Variants in B3GNT9 observed in about 807,000 individuals in gnomAD.
The protein encoded by B3GNT9 is UDP-GlcNAc:betaGal beta-1,3-N-acetylglucosaminyltransferase 9, also known as BGnT-9.
For missense variants in B3GNT9, 669 were observed against 599.2 expected (o/e 1.12, Z -1.22); for synonymous variants, 359 against 283.9 (o/e 1.26, Z -2.66).
chr16:67,149,838 T>G lies in B3GNT9; in HGVS notation c.648A>C (p.Ser216=). The change falls in exon 2 of 2, where the codon TCA becomes TCC. Residue 216 remains serine, a synonymous_variant. Transcript: ENST00000449549. ...LKEIHFLAWA[S]AFCPDVRFVF... ...CGAAGCGCACGTCGGGGCAGAAAGCTGAGGCCCAGGCTAGAAAGTGGATCT... is the reference window on the plus strand; with the variant it reads ...CGAAGCGCACGTCGGGGCAGAAAGCGGAGGCCCAGGCTAGAAAGTGGATCT... 2 of 1,613,742 alleles carry G rather than the reference T, an allele frequency of 1.2e-6. No individual in the cohort carries two copies. Among genetic ancestry groups the G allele is most frequent in the Non-Finnish European group, 1.7e-6 (2 of 1,179,730 alleles).
At position 67,149,935 on chromosome 16, in the gene B3GNT9, G is replaced by T. The variant is rs563344591; in HGVS notation, c.551C>A (p.Ala184Asp). 1.0e-5 allele frequency: 16 copies of T among 1,588,868 alleles called. No individual in the cohort carries two copies. In the East Asian group the frequency reaches 3.5e-4, roughly 35 times the overall value. Residue 184 changes from alanine to aspartate, a missense_variant, in exon 2 of 2, where the codon GCC becomes GAC. By Grantham distance (126) the Ala-to-Asp change is moderately radical (BLOSUM62 -2). Transcript: ENST00000449549. ...GATGTCCGCATACGCAAGGCTCTCGGCCCGCAGCAGGGCGCGCCAGTGGGT... is the reference window on the plus strand; with the variant it reads ...GATGTCCGCATACGCAAGGCTCTCGTCCCGCAGCAGGGCGCGCCAGTGGGT... ...ARTHWRALLR[A>D]ESLAYADILL...
chr16:67,150,629 G>T lies in B3GNT9; in HGVS notation c.-144C>A. The T allele has an allele frequency of 1.7e-6, 1 of 600,544 alleles. No individual in the cohort carries two copies. The highest frequency in any genetic ancestry group is 2.4e-6 in the Non-Finnish European group (1 of 410,838). 37.2% of individuals were successfully genotyped at this position (600,544 alleles called of 1,614,324 possible). On this transcript the variant is annotated 5_prime_UTR_variant, in exon 2 of 2. Transcript: ENST00000449549. Reference sequence around the variant, plus strand: ...GACCGACGGTTGAGCCCCTTGCGTTGTTCTCCTCCTCCCGGCCGTGTCGCA... The same window carrying T: ...GACCGACGGTTGAGCCCCTTGCGTTTTTCTCCTCCTCCCGGCCGTGTCGCA...
chr16:67,150,193 A>G lies in B3GNT9; in HGVS notation c.293T>C (p.Leu98Pro). 1 of 1,558,762 alleles carries G rather than the reference A, an allele frequency of 6.4e-7. No homozygotes were observed. Among genetic ancestry groups the G allele is most frequent in the East Asian group, 2.6e-5 (1 of 39,102 alleles). ...LRAKDQRRFP[L>P]LINQPHKCRG... ...GCACTTGTGCGGCTGGTTAATGAGCAGTGGAAACCGCCGCTGGTCCTTGGC... is the reference window on the plus strand; with the variant it reads ...GCACTTGTGCGGCTGGTTAATGAGCGGTGGAAACCGCCGCTGGTCCTTGGC... The change falls in exon 2 of 2, where the codon CTG becomes CCG. Residue 98 changes from leucine to proline, a missense_variant. Leu to Pro is a moderately conservative substitution (Grantham distance 98, BLOSUM62 -3). Transcript: ENST00000449549.
Position 67,149,322 on chromosome 16 carries a change from C to A in B3GNT9, c.1164G>T (p.Ala388=). The A allele has an allele frequency of 1.3e-6, 2 of 1,584,620 alleles. No individual in the cohort carries two copies. Among genetic ancestry groups the A allele is most frequent in the African/African-American group, 1.3e-5 (1 of 74,482 alleles). The change falls in exon 2 of 2, where the codon GCG becomes GCT. Residue 388 remains alanine, a synonymous_variant. Transcript: ENST00000449549. The part of the protein sequence containing the change: ...LLHGPHGPAC[A]HPQPVAAGPF... ...GGCCTGCAGCGACAGGCTGTGGATG[C>A]GCACAGGCTGGCCCATGCGGCCCGT... is the stretch of plus-strand genomic sequence containing the variant.
chr16:67,149,596 G>T lies in B3GNT9; in HGVS notation c.890C>A (p.Ala297Asp). 1 of 1,598,832 alleles carries T rather than the reference G, an allele frequency of 6.3e-7. No homozygotes were observed. The highest frequency in any genetic ancestry group is 8.5e-7 in the Non-Finnish European group (1 of 1,173,214). ...AGGGGFVLSG[A>D]TLHRLAGACA... ...GGCGCCAGCCAGGCGGTGCAGCGTG[G>T]CCCCGGAAAGCACAAAGCCACCGCC... Residue 297 changes from alanine (A) to aspartate (D), a missense_variant, in exon 2 of 2, where the codon GCC (alanine) becomes GAC (aspartate). By Grantham distance (126) the Ala-to-Asp change is moderately radical. Transcript: ENST00000449549.
At position 67,149,644 on chromosome 16, in the gene B3GNT9, G is replaced by A. The variant is rs1433745032; in HGVS notation, c.842C>T (p.Pro281Leu). 6.2e-7 allele frequency: 1 copy of A among 1,601,712 alleles called. No individual in the cohort carries two copies. The highest frequency in any genetic ancestry group is 8.5e-7 in the Non-Finnish European group (1 of 1,174,518). Residue 281 changes from proline (P) to leucine (L), a missense_variant, in exon 2 of 2, where the codon CCC becomes CTC. Coordinates refer to ENST00000449549, the MANE Select transcript of B3GNT9 (RefSeq NM_033309.3). ...GCCGCCCGCGTAGGCCGGATAGGCG[G>A]GCAGGCCGTACACGGCCTCGGGGAT... ...YYIPEAVYGLPAYPAYAGGGG... is the reference protein window; with the variant it reads ...YYIPEAVYGLLAYPAYAGGGG...
At chr16:67,150,783 C>G in intron 1 of B3GNT9, 82 bp downstream of exon 1, 1 of 299,214 alleles carries the variant, frequency 3.3e-6, no homozygotes, top group Admixed American at 5.1e-5. Flanking sequence ...GCCCCTCCCC[C>G]GCCCGCCTCC....
chr16:67,148,274 T>C lies in B3GNT9; in HGVS notation c.*1003A>G, dbSNP rs1045152583. On this transcript the variant is annotated 3_prime_UTR_variant, in exon 2 of 2. Coordinates refer to ENST00000449549, the MANE Select transcript of B3GNT9 (RefSeq NM_033309.3). ...TAATGATGAATGTGCAGGGGACCTGTCTCAGGCTCCTATATGGTTCCTGGG... is the reference window on the plus strand; with the variant it reads ...TAATGATGAATGTGCAGGGGACCTGCCTCAGGCTCCTATATGGTTCCTGGG... 14 of 152,770 alleles carry C rather than the reference T, an allele frequency of 9.2e-5. No homozygotes were observed. The highest frequency in any genetic ancestry group is 2.6e-4 in the African/African-American group (11 of 41,570). The allele number at this position is 152,770 out of a possible 1,614,324, so 9.5% of individuals were successfully genotyped here. A position where few individuals can be genotyped will look rare whatever the true frequency, so the allele number is the denominator to read the frequency against.
At position 67,148,187 on chromosome 16, in the gene B3GNT9, C is replaced by A. The variant is rs2030262246; in HGVS notation, c.*1090G>T. The stretch of plus-strand genomic sequence containing the variant: ...TTTGTGAGTTTTTCAAATGTGTGTA[C>A]AGATTTTTGTAAATATGACTCTTTT... On this transcript the variant is annotated 3_prime_UTR_variant, in exon 2 of 2. Transcript: ENST00000449549. 1 of 152,624 alleles carries A rather than the reference C, an allele frequency of 6.6e-6. No homozygotes were observed. The highest frequency in any genetic ancestry group is 1.5e-5 in the Non-Finnish European group (1 of 68,052). 9.5% of individuals were successfully genotyped at this position (152,624 alleles called of 1,614,324 possible). A position where few individuals can be genotyped will look rare whatever the true frequency, so the allele number is the denominator to read the frequency against.
In B3GNT9 at chr16:67,149,925, A is replaced by G. The variant is rs1350472008; in HGVS notation, c.561T>C (p.Leu187=). The stretch of plus-strand genomic sequence containing the variant: ...CCCAGAGCAGGATGTCCGCATACGC[A>G]AGGCTCTCGGCCCGCAGCAGGGCGC... The part of the protein sequence containing the change: ...HWRALLRAES[L]AYADILLWAF... Residue 187 remains leucine, a synonymous_variant, in exon 2 of 2, where the codon CTT becomes CTC. Coordinates refer to ENST00000449549, the MANE Select transcript of B3GNT9 (RefSeq NM_033309.3). 6.3e-7 allele frequency: 1 copy of G among 1,597,842 alleles called. No individual in the cohort carries two copies.
chr16:67,149,057 A>G lies in B3GNT9; in HGVS notation c.*220T>C. Reference sequence around the variant, plus strand: ...GGGACCTGTTGGACAAGAGATGGTCATCTACCACCCAGCCTTGGCTCGCTC... The same window carrying G: ...GGGACCTGTTGGACAAGAGATGGTCGTCTACCACCCAGCCTTGGCTCGCTC... On this transcript the variant is annotated 3_prime_UTR_variant, in exon 2 of 2. Coordinates refer to ENST00000449549, the MANE Select transcript of B3GNT9 (RefSeq NM_033309.3). 1 of 935,140 alleles carries G rather than the reference A, an allele frequency of 1.1e-6. No homozygotes were observed. The highest frequency in any genetic ancestry group is 1.5e-6 in the Non-Finnish European group (1 of 684,442). The allele number at this position is 935,140 out of a possible 1,614,324, so 57.9% of individuals were successfully genotyped here. A position where few individuals can be genotyped will look rare whatever the true frequency, so the allele number is the denominator to read the frequency against.
Position 67,150,156 on chromosome 16 carries a change from G to A in B3GNT9, c.330C>T (p.Gly110=), listed in dbSNP as rs1173321882. 4 of 1,537,592 alleles carry A rather than the reference G, an allele frequency of 2.6e-6. No homozygotes were observed. Among genetic ancestry groups the A allele is most frequent in the African/African-American group, 1.4e-5 (1 of 69,764 alleles). The change falls in exon 2 of 2, where the codon GGC becomes GGT. Residue 110 remains glycine, a synonymous_variant. Transcript: ENST00000449549. ...GCAGGTCCGGGCGGCCACCGGGTGC[G>A]CCGTCGCCGCGGCACTTGTGCGGCT... ...INQPHKCRGD[G]APGGRPDLLI...
In B3GNT9 at chr16:67,150,232, G is replaced by A. The variant is rs2030418313; in HGVS notation, c.254C>T (p.Ala85Val). The A allele has an allele frequency of 1.9e-6, 3 of 1,547,556 alleles. No individual in the cohort carries two copies. The African/African-American group carries it at 4.3e-5, about 22-fold the overall frequency. Reference sequence around the variant, plus strand: ...CTGGTCCTTGGCGCGCAAATAGCGGGCGAAGTCAAAGGGTCCCGTAGGCGT... The same window carrying A: ...CTGGTCCTTGGCGCGCAAATAGCGGACGAAGTCAAAGGGTCCCGTAGGCGT... ...PPTPTGPFDF[A>V]RYLRAKDQRR... Residue 85 changes from alanine to valine, a missense_variant, in exon 2 of 2, where the codon GCC becomes GTC. Transcript: ENST00000449549.
chr16:67,149,027 G>T lies in B3GNT9; in HGVS notation c.*250C>A. The T allele has an allele frequency of 6.2e-6, 4 of 641,240 alleles. No homozygotes were observed. Among genetic ancestry groups the T allele is most frequent in the African/African-American group, 1.9e-5 (1 of 53,112 alleles). 39.7% of individuals were successfully genotyped at this position (641,240 alleles called of 1,614,324 possible). ...ACTAGGAGGACCAGACATATCCACT[G>T]CTCTGGGACCTGTTGGACAAGAGAT... On this transcript the variant is annotated 3_prime_UTR_variant, in exon 2 of 2. Transcript: ENST00000449549.
Position 67,149,430 on chromosome 16 carries a change from G to A in B3GNT9, c.1056C>T (p.Thr352=). ...GCTCACGGTAAAAGCAGGGGTCGAA[G>A]GTGCTCAAATGCGGCGCGGCTGAAG... ...PQPSAAPHLS[T]FDPCFYRELV... Residue 352 remains threonine, a synonymous_variant, in exon 2 of 2, where the codon ACC becomes ACT. Transcript: ENST00000449549. 6.2e-7 allele frequency: 1 copy of A among 1,605,834 alleles called. No individual in the cohort carries two copies. The highest frequency in any genetic ancestry group is 1.1e-5 in the South Asian group (1 of 89,742).
Position 67,150,671 on chromosome 16 carries a change from C to T in B3GNT9, c.-186G>A, listed in dbSNP as rs2030448450. The T allele has an allele frequency of 2.3e-6, 1 of 439,472 alleles. No individual in the cohort carries two copies. The highest frequency in any genetic ancestry group is 3.8e-6 in the Non-Finnish European group (1 of 265,010). 27.2% of individuals were successfully genotyped at this position (439,472 alleles called of 1,614,324 possible). A position where few individuals can be genotyped will look rare whatever the true frequency, so the allele number is the denominator to read the frequency against. ...CGTGTCGCACCGCCGGGACCGGCAG[C>T]CTGAAGGGACAAGAAGTTCACCCAT... On this transcript the variant is annotated splice_region_variant and 5_prime_UTR_variant, in exon 2 of 2. Coordinates refer to ENST00000449549, the MANE Select transcript of B3GNT9 (RefSeq NM_033309.3).
At position 67,150,188 on chromosome 16, in the gene B3GNT9, T is replaced by G; in HGVS notation, c.298A>C (p.Ile100Leu). 6.4e-7 allele frequency: 1 copy of G among 1,559,974 alleles called. No homozygotes were observed. The highest frequency in any genetic ancestry group is 8.6e-7 in the Non-Finnish European group (1 of 1,156,680). ...AKDQRRFPLL[I>L]NQPHKCRGDG... ...CCGCGGCACTTGTGCGGCTGGTTAA[T>G]GAGCAGTGGAAACCGCCGCTGGTCC... The change falls in exon 2 of 2, where the codon ATT becomes CTT. Residue 100 changes from isoleucine (I) to leucine (L), a missense_variant. Coordinates refer to ENST00000449549, the MANE Select transcript of B3GNT9 (RefSeq NM_033309.3).
At chr16:67,150,773 G>C (rs1349160874) in intron 1 of B3GNT9, 92 bp downstream of exon 1, 4 of 314,200 alleles carry the variant, frequency 1.3e-5, no homozygotes, top group African/African-American at 4.3e-5. Flanking sequence ...GGGAGCCTCG[G>C]CCCCTCCCCC....
rs2030431883 is a variant in B3GNT9, at chr16:67,150,399, G to T, written c.87C>A (p.Arg29=). The stretch of plus-strand genomic sequence containing the variant: ...CGCTCGCCGTCGGGGCCGCGCCGTC[G>T]CGCTGCGCATAGAGTAAGAGGCCCA... ...ASLGLLLYAQ[R]DGAAPTASAP... The change falls in exon 2 of 2, where the codon CGC becomes CGA. Residue 29 remains arginine (R), a synonymous_variant. Transcript: ENST00000449549. The T allele has an allele frequency of 1.5e-6, 2 of 1,355,926 alleles. No homozygotes were observed. 84.0% of individuals were successfully genotyped at this position (1,355,926 alleles called of 1,614,324 possible). A position where few individuals can be genotyped will look rare whatever the true frequency, so the allele number is the denominator to read the frequency against.
Sources: allele counts gnomAD v4.1 joint callset, GRCh38; gene constraint gnomAD v4.1.1; transcripts MANE v1.5; gene names NCBI Gene and HGNC (gene_info 2026-07-23, HGNC 2026-07-21).